CPNE4: variants seen among roughly 807,000 people sequenced by gnomAD.
The protein encoded by CPNE4 is copine 4, also known as copine-4.
CPNE4 carries 25 observed loss-of-function variants against 67.9 expected under a neutral mutation model. That is an observed-to-expected ratio of 0.37 (90% CI 0.27 to 0.51). The LOEUF (loss-of-function observed/expected upper bound fraction) is 0.51, where lower values mean the gene tolerates loss of function less well. Among genes scored for constraint, CPNE4 ranks in the 20% least tolerant of loss-of-function variants. CPNE4 has a pLI of 0.93. For synonymous variants in CPNE4, 242 were observed against 244.9 expected (o/e 0.99, Z 0.11); for missense variants, 464 against 690.8 (o/e 0.67, Z 3.68).
intron 10 of CPNE4, among the ~76,000 whole-genome samples, chr3:131,565,896 C>A (rs1444556044): frequency 1.3e-5 from 2 of 149,508 alleles, no homozygotes; most frequent in Non-Finnish European, 3.0e-5. Flanking sequence ...CTTTGGATAA[C>A]AAAGGAAAGA....
At chr3:132,022,059 C>T (rs1339879278) in intron 1 of CPNE4, among the ~76,000 whole-genome samples, 1 of 152,186 alleles carries the variant, frequency 6.6e-6, no homozygotes, top group East Asian at 1.9e-4. Context: ...AACTGTCAAC[C>T]ATTTCTGCTG....
At chr3:131,544,152 A>ACTT (rs1453003239) in intron 14 of CPNE4, among the ~76,000 whole-genome samples, 2 of 152,230 alleles carry the variant, frequency 1.3e-5, no homozygotes, top group African/African-American at 4.8e-5. Flanking sequence ...ACAGAAAAGA[A>ACTT]CTTTCAATAT....
chr3:131,710,834 C>T (rs1183653762), intron 3 of CPNE4, among the ~76,000 whole-genome samples: 1 of 152,086 alleles, frequency 6.6e-6, no homozygotes, highest in African/African-American at 2.4e-5. Context: ...AACAAAAGCT[C>T]AGAGGTAATG....
At chr3:131,641,116 T>C (rs1358185218) in intron 7 of CPNE4, among the ~76,000 whole-genome samples, 1 of 152,114 alleles carries the variant, frequency 6.6e-6, no homozygotes, top group African/African-American at 2.4e-5. Context: ...TGCAAAGACT[T>C]CATGACCAAG....
intron 2 of CPNE4, among the ~76,000 whole-genome samples, chr3:131,735,150 C>T (rs1314192502): frequency 6.6e-6 from 1 of 152,152 alleles, no homozygotes; most frequent in Non-Finnish European, 1.5e-5. Flanking sequence ...TCCCTCACAA[C>T]ATCTGAAACA....
At chr3:131,882,428 T>C (rs1221627637) in intron 2 of CPNE4, among the ~76,000 whole-genome samples, 1 of 152,182 alleles carries the variant, frequency 6.6e-6, no homozygotes, top group African/African-American at 2.4e-5. Flanking sequence ...ATTTAAAATA[T>C]TGTTTAAAGA....
In CPNE4 at chr3:131,722,315, T is replaced by C. The variant is rs918530360; in HGVS notation, c.360+1131A>G. Reference sequence around the variant, plus strand: ...TCTCTTTGAGAAAAAAAGTACAAAATAAAAATGTGACACAGAGCCATGGAA... The same window carrying C: ...TCTCTTTGAGAAAAAAAGTACAAAACAAAAATGTGACACAGAGCCATGGAA... On this transcript the variant is annotated intron_variant, in intron 3 of 15. Coordinates refer to ENST00000429747, the MANE Select transcript of CPNE4 (RefSeq NM_130808.3). Among the ~76,000 whole-genome samples, 10 of 152,058 alleles carry C rather than the reference T, an allele frequency of 6.6e-5. No individual in the cohort carries two copies. The East Asian group carries it at 7.7e-4, about 12-fold the overall frequency.
chr3:131,540,135 C>T (rs1220218260), intron 15 of CPNE4, among the ~76,000 whole-genome samples: 2 of 152,190 alleles, frequency 1.3e-5, no homozygotes, highest in Non-Finnish European at 2.9e-5. Flanking sequence ...ACATGCACAG[C>T]CCTGGGAGCT....
At chr3:131,685,320 A>G (rs557340778) in intron 6 of CPNE4, among the ~76,000 whole-genome samples, 13 of 152,228 alleles carry the variant, frequency 8.5e-5, no homozygotes, top group African/African-American at 2.4e-4. Context: ...TATTATGAAT[A>G]AGTTGCTAAT....
At chr3:131,975,781 T>A (rs973824168) in intron 1 of CPNE4, among the ~76,000 whole-genome samples, 32 of 152,158 alleles carry the variant, frequency 2.1e-4, no homozygotes, top group Non-Finnish European at 4.4e-4. Context: ...AACATATATA[T>A]GCATGCATAG....
At chr3:131,948,262 C>G (rs1446999242) in intron 1 of CPNE4, among the ~76,000 whole-genome samples, 1 of 152,084 alleles carries the variant, frequency 6.6e-6, no homozygotes, top group Non-Finnish European at 1.5e-5. Flanking sequence ...GCAGTTTCCC[C>G]CATGTTGTTC....
At chr3:131,792,945 C>G (rs2083817902) in intron 2 of CPNE4, among the ~76,000 whole-genome samples, 1 of 131,986 alleles carries the variant, frequency 7.6e-6, no homozygotes. Context: ...CAAAACATGC[C>G]AAAACCAGAA....
chr3:131,627,489 C>A (rs1392424707), intron 7 of CPNE4, among the ~76,000 whole-genome samples: 1 of 151,078 alleles, frequency 6.6e-6, no homozygotes, highest in Admixed American at 6.6e-5. Context: ...TTCTGCAGCC[C>A]ATGGATCAAG....
chr3:131,801,537 A>C (rs911686276), intron 2 of CPNE4, among the ~76,000 whole-genome samples: 1 of 144,228 alleles, frequency 6.9e-6, no homozygotes, highest in Non-Finnish European at 1.5e-5. Flanking sequence ...TTGCCTTGTG[A>C]CCTTAAATAG....
At chr3:131,615,861 GC>G (rs1940105401) in intron 7 of CPNE4, among the ~76,000 whole-genome samples, 2 of 150,480 alleles carry the variant, frequency 1.3e-5, no homozygotes. Flanking sequence ...TCCAGCCTGG[GC>G]AACAAGAGCA....
At chr3:131,620,371 C>G (rs778339965) in intron 7 of CPNE4, 5 of 732,330 alleles carry the variant, frequency 6.8e-6, no homozygotes, top group Non-Finnish European at 8.3e-6. Context: ...AATTGACAAA[C>G]TAGGCTACGG....
intron 2 of CPNE4, among the ~76,000 whole-genome samples, chr3:131,729,317 C>T (rs2082074285): frequency 6.6e-6 from 1 of 152,116 alleles, no homozygotes; most frequent in African/African-American, 2.4e-5. Flanking sequence ...CTAATTTTCT[C>T]TGAATAAAGA....
intron 7 of CPNE4, among the ~76,000 whole-genome samples, chr3:131,657,478 A>C (rs905571391): frequency 1.3e-5 from 2 of 152,004 alleles, no homozygotes; most frequent in African/African-American, 4.8e-5. Flanking sequence ...CACCTCAGGA[A>C]TTGGGAGTCA....
chr3:131,572,470 C>T (rs993862539), intron 10 of CPNE4, among the ~76,000 whole-genome samples: 8 of 151,932 alleles, frequency 5.3e-5, no homozygotes, highest in African/African-American at 1.9e-4. Context: ...TTCAAGTTCT[C>T]TCGCCTCCTA....
Sources: allele counts gnomAD v4.1 joint callset (sites outside exome capture counted in the v4.1 genomes callset), GRCh38; gene constraint gnomAD v4.1.1; transcripts MANE v1.5; gene names NCBI Gene and HGNC (gene_info 2026-07-23, HGNC 2026-07-21).